Variants in CCDC91 observed in about 807,000 individuals in gnomAD.
CCDC91 encodes coiled-coil domain-containing protein 91.
In CCDC91, 48 loss-of-function variants were observed where a neutral mutation model predicts 63.2. The ratio of observed to expected loss-of-function variants is 0.76; its 90% CI spans 0.60 to 0.97. CCDC91 has a LOEUF of 0.97. CCDC91 is among the 50% of genes least tolerant of loss of function. The pLI is 0.00. For missense variants in CCDC91, 500 were observed against 494.6 expected, an observed-to-expected ratio of 1.01 and a Z score of -0.10; for synonymous variants, 167 against 165.8, an observed-to-expected ratio of 1.01 and a Z score of -0.06.
intron 11 of CCDC91, among the ~76,000 whole-genome samples, chr12:28,475,879 A>G (rs185697470): frequency 2.6e-5 from 4 of 152,124 alleles, no homozygotes; most frequent in East Asian, 1.9e-4. Context: ...ATGGACTAAG[A>G]TATCTATTTA....
intron 3 of CCDC91, among the ~76,000 whole-genome samples, chr12:28,275,543 C>G (rs1370791091): frequency 6.6e-6 from 1 of 152,098 alleles, no homozygotes; most frequent in Non-Finnish European, 1.5e-5. Context: ...ACCAGAGGTA[C>G]AAGGAGGGGC....
intron 3 of CCDC91, among the ~76,000 whole-genome samples, chr12:28,293,228 C>T (rs1949353335): frequency 6.6e-6 from 1 of 152,124 alleles, no homozygotes; most frequent in African/African-American, 2.4e-5. Flanking sequence ...GAAAAACTAG[C>T]ATACATAGAA....
chr12:28,502,114 T>C (rs1056111744), intron 12 of CCDC91, among the ~76,000 whole-genome samples: 4 of 151,986 alleles, frequency 2.6e-5, no homozygotes, highest in Non-Finnish European at 5.9e-5. Flanking sequence ...TTTATTAGTC[T>C]TGCTAGCGGT....
intron 7 of CCDC91, among the ~76,000 whole-genome samples, chr12:28,364,131 A>G (rs1456633027): frequency 1.3e-5 from 2 of 152,148 alleles, no homozygotes; most frequent in African/African-American, 2.4e-5. Flanking sequence ...CACATCTGCA[A>G]TCCCAACACT....
intron 12 of CCDC91, among the ~76,000 whole-genome samples, chr12:28,517,464 G>A (rs1292624824): frequency 6.6e-6 from 1 of 151,946 alleles, no homozygotes; most frequent in Non-Finnish European, 1.5e-5. Context: ...GGGTACTTCT[G>A]TAAACAATCT....
intron 11 of CCDC91, among the ~76,000 whole-genome samples, chr12:28,464,116 G>A (rs1325737083): frequency 6.6e-6 from 1 of 152,100 alleles, no homozygotes; most frequent in African/African-American, 2.4e-5. Context: ...AAACTTACCT[G>A]ACTCCTGCCC....
intron 3 of CCDC91, among the ~76,000 whole-genome samples, 159 bp from the exon 4 acceptor site, chr12:28,305,490 G>A (rs1440238928): frequency 6.6e-6 from 1 of 151,922 alleles, no homozygotes; most frequent in Admixed American, 6.6e-5. Context: ...TGGGCCCTGA[G>A]GAATAGTCAT....
intron 3 of CCDC91, among the ~76,000 whole-genome samples, chr12:28,293,589 A>G (rs927996497): frequency 6.6e-6 from 1 of 152,180 alleles, no homozygotes; most frequent in Non-Finnish European, 1.5e-5. Flanking sequence ...TTAATGATAG[A>G]CTGTTGTTGG....
At chr12:28,276,258 T>C (rs1948220294) in intron 3 of CCDC91, among the ~76,000 whole-genome samples, 1 of 152,020 alleles carries the variant, frequency 6.6e-6, no homozygotes, top group Non-Finnish European at 1.5e-5. Context: ...TTCAGAATTT[T>C]TGAGTTATTT....
chr12:28,408,546 G>A (rs1457940157), intron 8 of CCDC91, among the ~76,000 whole-genome samples: 8 of 152,178 alleles, frequency 5.3e-5, no homozygotes, highest in Admixed American at 4.6e-4. Context: ...GACCAGGGAT[G>A]ATGAGCTTTG....
intron 11 of CCDC91, 112 bp downstream of exon 11, chr12:28,452,766 G>T: frequency 2.4e-6 from 1 of 425,462 alleles, no homozygotes; most frequent in Non-Finnish European, 4.1e-6. Context: ...AGATATTTAT[G>T]ACTTTTTAAT....
intron 8 of CCDC91, chr12:28,412,751 C>T (rs1947395828): frequency 2.2e-6 from 1 of 453,602 alleles, no homozygotes; most frequent in Admixed American, 2.4e-5. Context: ...TCTGTCCTTT[C>T]AGAGTGCCCT....
intron 6 of CCDC91, among the ~76,000 whole-genome samples, chr12:28,355,102 G>A (rs1404830695): frequency 1.3e-5 from 2 of 150,764 alleles, no homozygotes; most frequent in East Asian, 1.9e-4. Flanking sequence ...CCTTCTTTCT[G>A]CCTTCTATTT....
intron 12 of CCDC91, among the ~76,000 whole-genome samples, chr12:28,504,107 A>T (rs76265865): frequency 0.21 from 31,619 of 151,416 alleles, 4,325 homozygotes; most frequent in Non-Finnish European, 0.31. Flanking sequence ...AAATTAATTT[A>T]AAAAAGACTC....
chr12:28,369,508 T>C lies in CCDC91; in HGVS notation c.654+6993T>C, dbSNP rs531198289. Among the ~76,000 whole-genome samples the C allele has an allele frequency of 2.0e-5, 3 of 152,274 alleles. No individual in the cohort carries two copies. In the South Asian group the frequency reaches 6.2e-4, roughly 32 times the overall value. ...GGCTGGCATTGAGTGCCTACAGGTT[T>C]TTCAGGCATACAGTGCAAACTCTCA... On this transcript the variant is annotated intron_variant, in intron 7 of 12. Coordinates refer to ENST00000536442, the MANE Select transcript of CCDC91 (RefSeq NM_018318.5).
At chr12:28,283,372 A>G (rs1482008388) in intron 3 of CCDC91, among the ~76,000 whole-genome samples, 5 of 151,872 alleles carry the variant, frequency 3.3e-5, no homozygotes, top group East Asian at 1.9e-4. Context: ...TGCTTGTATC[A>G]TCTATGATTT....
intron 12 of CCDC91, among the ~76,000 whole-genome samples, chr12:28,509,402 G>A (rs941556539): frequency 6.6e-6 from 1 of 151,324 alleles, no homozygotes; most frequent in Non-Finnish European, 1.5e-5. Flanking sequence ...TTGGTGGCAG[G>A]ATAGGGGTGG....
At chr12:28,198,166 C>T (rs1397212702) in intron 1 of CCDC91, among the ~76,000 whole-genome samples, 1 of 152,092 alleles carries the variant, frequency 6.6e-6, no homozygotes, top group Non-Finnish European at 1.5e-5. Context: ...TCTGTGTCTA[C>T]CACCTCCTAT....
intron 1 of CCDC91, among the ~76,000 whole-genome samples, chr12:28,216,028 G>A (rs553617097): frequency 5.9e-5 from 9 of 152,172 alleles, no homozygotes; most frequent in African/African-American, 1.9e-4. Context: ...GCAATACTTA[G>A]TAGTACTTAA....
Sources: gnomAD v4.1 joint callset for allele counts (sites outside exome capture counted in the v4.1 genomes callset) on GRCh38, gnomAD v4.1.1 for gene constraint, MANE v1.5 for transcripts, NCBI Gene and HGNC (gene_info 2026-07-23, HGNC 2026-07-21) for gene names.